The following FMN2 variants were observed in gnomAD, a reference collection of about 807,000 sequenced individuals.
FMN2 encodes the protein formin 2.
Under a neutral mutation model 142.3 loss-of-function variants are expected in FMN2, and 51 were observed. That is an observed-to-expected ratio of 0.36 (90% CI 0.29 to 0.45). The LOEUF (loss-of-function observed/expected upper bound fraction) is 0.45, where lower values mean the gene tolerates loss of function less well. FMN2 is among the 20% of genes least tolerant of loss of function. The pLI is 1.00. For missense variants in FMN2, 1,936 were observed against 2,122.8 expected (o/e 0.91, Z 1.73); for synonymous variants, 882 against 869.8 (o/e 1.01, Z -0.25).
At chr1:240,224,825 A>C (rs1390201859) in intron 6 of FMN2, among the ~76,000 whole-genome samples, 2 of 152,158 alleles carry the variant, frequency 1.3e-5, no homozygotes, top group South Asian at 2.1e-4. Flanking sequence ...TTAGAGGTCT[A>C]TATAGTGGGG....
chr1:240,472,077 C>T, intron 16 of FMN2: 1 of 257,730 alleles, frequency 3.9e-6, no homozygotes, highest in Non-Finnish European at 7.2e-6. Context: ...TATAAGATTC[C>T]TTTTATATAG....
rs200782505 is a variant in FMN2, at chr1:240,186,179, G to A, written c.1931-2028G>A. 6.6e-5 allele frequency among the ~76,000 whole-genome samples: 10 copies of A among 152,174 alleles called. No individual in the cohort carries two copies. In the East Asian group the frequency reaches 1.9e-3, roughly 29 times the overall value. ...GCTGAGATTCAGAAAATAGCTAAAGGCAAGGCAATATCTATATTGTCTCTT... is the reference window on the plus strand; with the variant it reads ...GCTGAGATTCAGAAAATAGCTAAAGACAAGGCAATATCTATATTGTCTCTT... On this transcript the variant is annotated intron_variant, in intron 3 of 17. Coordinates refer to ENST00000319653, the MANE Select transcript of FMN2 (RefSeq NM_020066.5).
chr1:240,184,013 G>T (rs1040884772), intron 3 of FMN2, among the ~76,000 whole-genome samples: 2 of 152,054 alleles, frequency 1.3e-5, no homozygotes, highest in East Asian at 3.9e-4. Flanking sequence ...TTAAAGGGAG[G>T]TTTATTTTCC....
chr1:240,218,233 A>G (rs567476813), intron 6 of FMN2, among the ~76,000 whole-genome samples: 2 of 145,640 alleles, frequency 1.4e-5, no homozygotes, highest in African/African-American at 5.2e-5. Context: ...CAGTGAGTCA[A>G]GATTGCACCA....
At chr1:240,138,071 A>G (rs1425888493) in intron 2 of FMN2, among the ~76,000 whole-genome samples, 154 of 64,248 alleles carry the variant, frequency 2.4e-3, no homozygotes, top group African/African-American at 7.7e-3. Context: ...TCTCAAAAAA[A>G]AAAAAAAAAA....
At position 240,161,430 on chromosome 1, in the gene FMN2, G is replaced by A. The variant is rs112051907; in HGVS notation, c.1783-16491G>A. Among the ~76,000 whole-genome samples, 195 of 152,070 alleles carry A rather than the reference G, an allele frequency of 1.3e-3. 4 individuals are homozygous for A. In the South Asian group the frequency reaches 0.03, roughly 24 times the overall value. On this transcript the variant is annotated intron_variant, in intron 2 of 17. Transcript: ENST00000319653. The stretch of plus-strand genomic sequence containing the variant: ...TGCCTGTAGTCCCAGCTACTCAGGA[G>A]GCTGACACAGGAGAATGGCGTGAAC...
At chr1:240,382,538 G>T (rs919278147) in intron 14 of FMN2, among the ~76,000 whole-genome samples, 3 of 152,058 alleles carry the variant, frequency 2.0e-5, no homozygotes, top group Non-Finnish European at 4.4e-5. Flanking sequence ...GTGGCTGCCT[G>T]TAATCTAAGC....
intron 2 of FMN2, among the ~76,000 whole-genome samples, chr1:240,177,014 T>G (rs1466531618): frequency 6.6e-6 from 1 of 152,248 alleles, no homozygotes; most frequent in East Asian, 1.9e-4. Context: ...ACCCAGTGAT[T>G]ACAGTGGTTT....
intron 11 of FMN2, 128 bp downstream of exon 11, chr1:240,330,877 A>G (rs1671351606): frequency 8.7e-7 from 1 of 1,152,138 alleles, no homozygotes; most frequent in African/African-American, 1.6e-5. Context: ...TTATGTTCTG[A>G]GCTAGAAAAA....
intron 2 of FMN2, among the ~76,000 whole-genome samples, chr1:240,132,823 G>A (rs1185030932): frequency 6.6e-6 from 1 of 152,152 alleles, no homozygotes; most frequent in African/African-American, 2.4e-5. Context: ...CACCTTTCAG[G>A]TTCAGTCATC....
chr1:240,297,901 C>T lies in FMN2; in HGVS notation c.4215+3018C>T, dbSNP rs112298214. On this transcript the variant is annotated intron_variant, in intron 8 of 17. Coordinates refer to ENST00000319653, the MANE Select transcript of FMN2 (RefSeq NM_020066.5). ...GGCCCTCTTCCAGGTTCACAGACTG[C>T]GGTGTTCTTGCTGTAACCTCACATG... 7.1e-3 allele frequency among the ~76,000 whole-genome samples: 1,087 copies of T among 152,212 alleles called. 15 individuals carry two copies. Among genetic ancestry groups the T allele is most frequent in the African/African-American group, 0.024 (1,017 of 41,542 alleles).
intron 14 of FMN2, among the ~76,000 whole-genome samples, chr1:240,391,321 G>C (rs955488338): frequency 2.6e-5 from 4 of 152,142 alleles, no homozygotes; most frequent in African/African-American, 7.2e-5. Context: ...AAAGAACACT[G>C]TCTTGAGGCT....
intron 5 of FMN2, among the ~76,000 whole-genome samples, chr1:240,209,767 G>A (rs1236861581): frequency 1.3e-5 from 2 of 151,716 alleles, no homozygotes; most frequent in Non-Finnish European, 1.5e-5. Context: ...AGCCGGGCGA[G>A]GTGGCGGGCG....
intron 2 of FMN2, chr1:240,143,240 A>G: frequency 1.9e-6 from 3 of 1,587,890 alleles, no homozygotes; most frequent in Non-Finnish European, 2.6e-6. Flanking sequence ...AAACTTCTGG[A>G]TCAGCATCAT....
At chr1:240,461,180 G>A (rs964616976) in intron 16 of FMN2, among the ~76,000 whole-genome samples, 16 of 152,146 alleles carry the variant, frequency 1.1e-4, no homozygotes, top group African/African-American at 2.9e-4. Flanking sequence ...TGATGAAAGC[G>A]AACGCTCTGG....
At chr1:240,105,100 C>CTTTT (rs57841541) in intron 1 of FMN2, among the ~76,000 whole-genome samples, 1 of 72,988 alleles carries the variant, frequency 1.4e-5, no homozygotes, top group Non-Finnish European at 2.6e-5. Context: ...GTTTATGCTT[C>CTTTT]TTTTTTTTTT....
chr1:240,351,376 G>A (rs375427834), intron 13 of FMN2, among the ~76,000 whole-genome samples: 1 of 152,088 alleles, frequency 6.6e-6, no homozygotes, highest in Non-Finnish European at 1.5e-5. Flanking sequence ...GGACAGGTGC[G>A]TTTCATGACC....
chr1:240,202,676 C>T (rs1666171819), intron 4 of FMN2, among the ~76,000 whole-genome samples: 1 of 152,076 alleles, frequency 6.6e-6, no homozygotes, highest in African/African-American at 2.4e-5. Flanking sequence ...GTTGCCCATG[C>T]TGGTCTCGAA....
chr1:240,297,325 G>A (rs566568486), intron 8 of FMN2, among the ~76,000 whole-genome samples: 3 of 152,180 alleles, frequency 2.0e-5, no homozygotes, highest in Admixed American at 6.5e-5. Context: ...GCTGGGTGTG[G>A]TGGCTCATGC....
Sources: allele counts gnomAD v4.1 joint callset (sites outside exome capture counted in the v4.1 genomes callset), GRCh38; gene constraint gnomAD v4.1.1; transcripts MANE v1.5; gene names NCBI Gene and HGNC (gene_info 2026-07-23, HGNC 2026-07-21).